RAD51B: variants seen among roughly 807,000 people sequenced by gnomAD.
RAD51B encodes RAD51 paralog B.
Under a neutral mutation model 42.2 loss-of-function variants are expected in RAD51B, and 38 were observed. The ratio of observed to expected loss-of-function variants is 0.90; its 90% CI spans 0.70 to 1.18. RAD51B has a LOEUF of 1.18. RAD51B is among the 50% of genes most tolerant of loss of function. The pLI is 0.00. For synonymous variants in RAD51B, 154 were observed against 145.2 expected (o/e 1.06, Z -0.43); for missense variants, 373 against 400.7 (o/e 0.93, Z 0.59).
rs547647236 is a variant in RAD51B, at chr14:67,999,454, A to G, written c.756+112250A>G. Among the ~76,000 whole-genome samples, 10 of 152,322 alleles carry G rather than the reference A, an allele frequency of 6.6e-5. No individual in the cohort carries two copies. The South Asian group carries it at 2.1e-3, about 32-fold the overall frequency. On this transcript the variant is annotated intron_variant, in intron 7 of 10. Coordinates refer to ENST00000471583, the MANE Select transcript of RAD51B (RefSeq NM_133510.4). Reference sequence around the variant, plus strand: ...TTTGTCTTCAAAGATCTCATGACCTACAAGAGTGGACTGGTATATAAACAA... The same window carrying G: ...TTTGTCTTCAAAGATCTCATGACCTGCAAGAGTGGACTGGTATATAAACAA...
chr14:67,958,888 A>G (rs1446131292), intron 7 of RAD51B, among the ~76,000 whole-genome samples: 1 of 152,226 alleles, frequency 6.6e-6, no homozygotes, highest in Admixed American at 6.5e-5. Flanking sequence ...GATACTACTG[A>G]TAAGGAAGCT....
chr14:68,026,267 A>G (rs1292981206), intron 7 of RAD51B, among the ~76,000 whole-genome samples: 1 of 152,182 alleles, frequency 6.6e-6, no homozygotes, highest in Non-Finnish European at 1.5e-5. Flanking sequence ...ATGATCAAAC[A>G]TATGGTTGAT....
At chr14:68,386,298 C>G (rs2140000692) in intron 8 of RAD51B, among the ~76,000 whole-genome samples, 1 of 152,296 alleles carries the variant, frequency 6.6e-6, no homozygotes, top group East Asian at 1.9e-4. Context: ...TTACCCCTCT[C>G]AACCAGGGCA....
chr14:68,447,930 A>G (rs1177826132), intron 9 of RAD51B, among the ~76,000 whole-genome samples: 1 of 152,250 alleles, frequency 6.6e-6, no homozygotes, highest in Non-Finnish European at 1.5e-5. Context: ...GTGGTCATTT[A>G]GCAAGCTGAT....
intron 7 of RAD51B, among the ~76,000 whole-genome samples, chr14:68,253,519 T>G (rs1367274647): frequency 6.6e-6 from 1 of 152,246 alleles, no homozygotes. Flanking sequence ...CATTTGCCTT[T>G]TAATTTTGTT....
chr14:68,181,771 G>A (rs2079064614), intron 7 of RAD51B, among the ~76,000 whole-genome samples: 1 of 152,096 alleles, frequency 6.6e-6, no homozygotes, highest in Non-Finnish European at 1.5e-5. Flanking sequence ...CCAAAGGTGG[G>A]GGTTTGGAGG....
intron 7 of RAD51B, among the ~76,000 whole-genome samples, chr14:67,934,251 T>A (rs2044851396): frequency 6.6e-6 from 1 of 152,138 alleles, no homozygotes. Context: ...AGCAAAGCAA[T>A]TGCCTGTGAG....
At chr14:68,337,960 T>C (rs1333050989) in intron 8 of RAD51B, among the ~76,000 whole-genome samples, 2 of 151,734 alleles carry the variant, frequency 1.3e-5, no homozygotes, top group Non-Finnish European at 2.9e-5. Flanking sequence ...TTGTGTTTTG[T>C]TTTGTTTTGT....
At chr14:68,346,663 C>T (rs537549408) in intron 8 of RAD51B, among the ~76,000 whole-genome samples, 5 of 152,318 alleles carry the variant, frequency 3.3e-5, no homozygotes, top group Non-Finnish European at 5.9e-5. Context: ...TACTCTTGTA[C>T]TTGAAATCCC....
At chr14:68,294,713 A>G (rs749987808) in intron 8 of RAD51B, among the ~76,000 whole-genome samples, 1 of 152,188 alleles carries the variant, frequency 6.6e-6, no homozygotes, top group Non-Finnish European at 1.5e-5. Flanking sequence ...TTTAATTCTG[A>G]CTTACAGAGT....
intron 7 of RAD51B, chr14:67,908,191 A>G (rs1227149614): frequency 6.6e-6 from 1 of 152,188 alleles, no homozygotes; most frequent in Non-Finnish European, 1.5e-5. Flanking sequence ...GCTTGGCCCC[A>G]TGTTAGAGTT....
At chr14:68,009,041 T>C (rs1281593718) in intron 7 of RAD51B, among the ~76,000 whole-genome samples, 1 of 152,000 alleles carries the variant, frequency 6.6e-6, no homozygotes, top group African/African-American at 2.4e-5. Context: ...ACTATTGTTG[T>C]TGTTGAATGG....
At chr14:68,249,954 G>T (rs1190804649) in intron 7 of RAD51B, among the ~76,000 whole-genome samples, 1 of 152,214 alleles carries the variant, frequency 6.6e-6, no homozygotes, top group African/African-American at 2.4e-5. Flanking sequence ...AGGGGAAGGT[G>T]GTGAGACCTT....
intron 7 of RAD51B, among the ~76,000 whole-genome samples, chr14:68,253,724 C>CATTA (rs2080690981): frequency 6.6e-6 from 1 of 152,184 alleles, no homozygotes; most frequent in Non-Finnish European, 1.5e-5. Context: ...TTTACAGTAA[C>CATTA]CCCCCTGTGG....
chr14:68,120,942 A>G (rs2077640702), intron 7 of RAD51B, among the ~76,000 whole-genome samples: 1 of 152,094 alleles, frequency 6.6e-6, no homozygotes, highest in African/African-American at 2.4e-5. Flanking sequence ...AAAAAGACAT[A>G]TTTTATATTT....
chr14:68,522,592 C>T (rs962438240), intron 10 of RAD51B, among the ~76,000 whole-genome samples: 5 of 152,288 alleles, frequency 3.3e-5, no homozygotes, highest in Middle Eastern at 3.4e-3. Context: ...TGTACCGGCT[C>T]GTGTGTGGAA....
chr14:68,606,927 T>C (rs1046226933), intron 10 of RAD51B, among the ~76,000 whole-genome samples: 1 of 152,192 alleles, frequency 6.6e-6, no homozygotes, highest in Non-Finnish European at 1.5e-5. Flanking sequence ...ACTTCTTCAG[T>C]AGTTGAGGAG....
At chr14:68,234,517 C>T (rs900138059) in intron 7 of RAD51B, among the ~76,000 whole-genome samples, 5 of 152,188 alleles carry the variant, frequency 3.3e-5, no homozygotes, top group African/African-American at 4.8e-5. Context: ...TACACCTTGG[C>T]TGGATGGTAC....
chr14:68,186,461 C>T (rs562432244), intron 7 of RAD51B, among the ~76,000 whole-genome samples: 26 of 152,268 alleles, frequency 1.7e-4, no homozygotes, highest in African/African-American at 6.3e-4. Context: ...ACAAACTATG[C>T]ATCTGACAAA....
Sources: allele counts gnomAD v4.1 joint callset (sites outside exome capture counted in the v4.1 genomes callset), GRCh38; gene constraint gnomAD v4.1.1; transcripts MANE v1.5; gene names NCBI Gene and HGNC (gene_info 2026-07-23, HGNC 2026-07-21).